Variants in RNF17 observed in about 807,000 individuals in gnomAD.
The protein encoded by RNF17 is ring finger protein 17.
In RNF17, 31 loss-of-function variants were observed where a neutral mutation model predicts 200.5. That is an observed-to-expected ratio of 0.15 (90% CI 0.12 to 0.21). The LOEUF is 0.21. Ranked by LOEUF, RNF17 falls within the 10% of genes least tolerant of loss-of-function variation. The pLI is 1.00. For synonymous variants in RNF17, 606 were observed against 637.8 expected, an observed-to-expected ratio of 0.95 and a Z score of 0.75; for missense variants, 1,628 against 1,905.1, an observed-to-expected ratio of 0.85 and a Z score of 2.71.
chr13:24,819,539 T>A (rs1025249755), intron 15 of RNF17, among the ~76,000 whole-genome samples: 5 of 152,204 alleles, frequency 3.3e-5, no homozygotes, highest in Admixed American at 6.5e-5. Flanking sequence ...TGTAGATTAT[T>A]TTTTATCATT....
intron 5 of RNF17, 25 bp downstream of exon 5, chr13:24,779,772 C>G (rs1163689077): frequency 6.4e-7 from 1 of 1,561,462 alleles, no homozygotes; most frequent in East Asian, 2.2e-5. Context: ...GGATTAAATT[C>G]TATCATGAAG....
At chr13:24,825,062 A>G (rs905675863) in intron 15 of RNF17, among the ~76,000 whole-genome samples, 2 of 152,170 alleles carry the variant, frequency 1.3e-5, no homozygotes, top group African/African-American at 4.8e-5. Context: ...AACCACATAA[A>G]TCCATAAGGT....
intron 4 of RNF17, among the ~76,000 whole-genome samples, chr13:24,778,877 T>C (rs1040716556): frequency 3.9e-5 from 6 of 152,240 alleles, no homozygotes; most frequent in Non-Finnish European, 5.9e-5. Context: ...CAAAATGATA[T>C]TAAGTTTTTG....
intron 33 of RNF17, 125 bp from the exon 34 acceptor site, chr13:24,876,872 G>T: frequency 1.9e-5 from 12 of 633,376 alleles, no homozygotes; most frequent in South Asian, 1.3e-4. Context: ...CATGCTTTTG[G>T]TGTCGTATCC....
intron 32 of RNF17, among the ~76,000 whole-genome samples, chr13:24,871,218 C>T (rs1414525140): frequency 6.6e-6 from 1 of 152,150 alleles, no homozygotes; most frequent in Non-Finnish European, 1.5e-5. Flanking sequence ...ATGTGTGATT[C>T]TCCTCTGAGG....
At chr13:24,831,026 A>C (rs1889323639) in intron 17 of RNF17, among the ~76,000 whole-genome samples, 1 of 152,230 alleles carries the variant, frequency 6.6e-6, no homozygotes, top group Non-Finnish European at 1.5e-5. Flanking sequence ...GAGGAGTAGT[A>C]TTCTGAAAGA....
At position 24,856,162 on chromosome 13, in the gene RNF17, T is replaced by C. The variant is rs144688231; in HGVS notation, c.3610+2018T>C. On this transcript the variant is annotated intron_variant, in intron 25 of 35. Coordinates refer to ENST00000255324, the MANE Select transcript of RNF17 (RefSeq NM_031277.3). Reference sequence around the variant, plus strand: ...TGGGCCAGGCGCAGTGGCTCATGCCTGTAATCCCAGCACTTTTGAGAGGCC... The same window carrying C: ...TGGGCCAGGCGCAGTGGCTCATGCCCGTAATCCCAGCACTTTTGAGAGGCC... 1.0e-2 allele frequency among the ~76,000 whole-genome samples: 1,520 copies of C among 152,248 alleles called. 33 individuals carry two copies. The highest frequency in any genetic ancestry group is 0.034 in the African/African-American group (1,405 of 41,540).
chr13:24,870,772 C>T, intron 32 of RNF17, 33 bp downstream of exon 32: 2 of 1,578,584 alleles, frequency 1.3e-6, no homozygotes, highest in Non-Finnish European at 8.7e-7. Flanking sequence ...AAACAGGATA[C>T]TTAATAAAAC....
At chr13:24,881,881 GAT>G (rs1381650143), downstream of RNF17, among the ~76,000 whole-genome samples, 1 of 121,018 alleles carries the variant, frequency 8.3e-6, no homozygotes, top group Non-Finnish European at 1.8e-5. Flanking sequence ...CATCTATATA[GAT>G]ATATAGATAC....
rs923165036 is a variant in RNF17 at position 24,793,337 on chromosome 13, A to G, written c.1231A>G (p.Asn411Asp). 6.3e-7 allele frequency: 1 copy of G among 1,585,092 alleles called. No homozygotes were observed. The highest frequency in any genetic ancestry group is 8.6e-7 in the Non-Finnish European group (1 of 1,169,026). The change falls in exon 10 of 36, where the codon AAC becomes GAC. Residue 411 changes from asparagine (N) to aspartate (D), a missense_variant. This residue lies in a region of RNF17 where 502 missense variants were observed against 501.7 expected (regional missense o/e 1.00). Transcript: ENST00000255324. The stretch of plus-strand genomic sequence containing the variant: ...GATAATTGAAGAAATTATTGAAGAC[A>G]ACGTGGAAAGTAAGTTAAAATGTAA... ...DVIIEEIIED[N>D]VESSAELVFV...
intron 15 of RNF17, among the ~76,000 whole-genome samples, chr13:24,823,620 A>T (rs1888322213): frequency 6.6e-6 from 1 of 152,172 alleles, no homozygotes; most frequent in Non-Finnish European, 1.5e-5. Flanking sequence ...CACCATTTAG[A>T]GAGGCTGAGC....
chr13:24,795,985 G>T (rs1884517680), intron 10 of RNF17, 152 bp from the exon 11 acceptor site: 2 of 460,422 alleles, frequency 4.3e-6, no homozygotes, highest in Non-Finnish European at 7.6e-6. Flanking sequence ...CAATCATTTA[G>T]GGCTTGCACT....
At chr13:24,761,295 C>T (rs1222532423), upstream of RNF17, among the ~76,000 whole-genome samples, 1 of 152,138 alleles carries the variant, frequency 6.6e-6, no homozygotes, top group Non-Finnish European at 1.5e-5. Context: ...TAATCCCACT[C>T]TTATGTTGGG....
chr13:24,834,175 G>A (rs12431079), intron 18 of RNF17, among the ~76,000 whole-genome samples: 18,845 of 152,080 alleles, frequency 0.12, 1,275 homozygotes, highest in Admixed American at 0.15. Context: ...GGAGGTCAGA[G>A]GCGGGTGGAT....
chr13:24,882,765 G>T, downstream of RNF17: 1 of 186,588 alleles, frequency 5.4e-6, no homozygotes, highest in Non-Finnish European at 1.1e-5. Context: ...TAATATTTTG[G>T]CTACAGAGAC....
At chr13:24,818,761 C>T (rs1887693052) in intron 15 of RNF17, among the ~76,000 whole-genome samples, 1 of 152,054 alleles carries the variant, frequency 6.6e-6, no homozygotes, top group South Asian at 2.1e-4. Context: ...GACTTTCAAC[C>T]TGTGTATAGC....
intron 10 of RNF17, among the ~76,000 whole-genome samples, chr13:24,794,749 G>T (rs1884339145): frequency 6.6e-6 from 1 of 152,186 alleles, no homozygotes. Context: ...TTGAGACAGA[G>T]TCTTACTGTG....
chr13:24,799,706 C>A (rs1885012167), intron 12 of RNF17, 122 bp downstream of exon 12: 1 of 628,758 alleles, frequency 1.6e-6, no homozygotes, highest in Non-Finnish European at 2.7e-6. Context: ...ACTTCCAAGA[C>A]ATACGTTTTA....
chr13:24,763,994 C>T (rs3809337), upstream of RNF17, among the ~76,000 whole-genome samples: 83,731 of 152,082 alleles, frequency 0.55, 23,176 homozygotes, highest in South Asian at 0.59. Context: ...GAACGGTCCT[C>T]AACGGCCACA....
Sources: allele counts gnomAD v4.1 joint callset (sites outside exome capture counted in the v4.1 genomes callset), GRCh38; gene constraint gnomAD v4.1.1; regional missense constraint gnomAD v4.1.1; transcripts MANE v1.5; gene names NCBI Gene and HGNC (gene_info 2026-07-23, HGNC 2026-07-21).